Variants in SGCD observed in about 807,000 individuals in gnomAD.
SGCD encodes sarcoglycan delta.
A neutral mutation model predicts 36.6 loss-of-function variants in SGCD; 18 were observed. The ratio of observed to expected loss-of-function variants is 0.49; its 90% confidence interval spans 0.34 to 0.73. The LOEUF is 0.73. SGCD is among the 30% of genes least tolerant of loss of function. The probability of loss-of-function intolerance (pLI) is 0.01; values close to 1 mark genes in which losing one functional copy is unlikely to be tolerated. For missense variants in SGCD, 387 were observed against 346.7 expected (o/e 1.12, Z -0.92); for synonymous variants, 133 against 130.6 (o/e 1.02, Z -0.12).
chr5:156,374,972 A>G (rs937109419), intron 3 of SGCD, among the ~76,000 whole-genome samples: 1 of 152,226 alleles, frequency 6.6e-6, no homozygotes. Flanking sequence ...ACTATAGAAC[A>G]TCACTCTTCA....
chr5:156,708,073 G>A (rs1754819494), intron 7 of SGCD, among the ~76,000 whole-genome samples: 2 of 152,002 alleles, frequency 1.3e-5, no homozygotes, highest in African/African-American at 2.4e-5. Context: ...CTAGTTTTGG[G>A]GTTACTTGGT....
At chr5:156,190,251 G>T (rs1199729614) in intron 3 of SGCD, among the ~76,000 whole-genome samples, 1 of 152,104 alleles carries the variant, frequency 6.6e-6, no homozygotes, top group African/African-American at 2.4e-5. Context: ...CCATTATCAA[G>T]AAAATCATCT....
intron 7 of SGCD, among the ~76,000 whole-genome samples, chr5:156,669,036 T>C (rs1212434699): frequency 3.3e-5 from 5 of 152,130 alleles, no homozygotes; most frequent in Admixed American, 1.3e-4. Flanking sequence ...GAATGGTTTG[T>C]CAAATGGCCC....
At chr5:156,629,321 T>C (rs1287174897) in intron 6 of SGCD, among the ~76,000 whole-genome samples, 2 of 151,892 alleles carry the variant, frequency 1.3e-5, no homozygotes, top group Non-Finnish European at 2.9e-5. Context: ...CATAATAAGG[T>C]GATAATAAAT....
chr5:155,897,062 G>A lies in SGCD; in HGVS notation c.-282+26638G>A, dbSNP rs115750367. ...GATGTTCCTGTGTTACTTAACAATGGGAATCTATTCTGAGAGATTTATTGT... is the reference window on the plus strand; with the variant it reads ...GATGTTCCTGTGTTACTTAACAATGAGAATCTATTCTGAGAGATTTATTGT... On this transcript the variant is annotated intron_variant, in intron 1 of 9. Coordinates refer to the SGCD transcript ENST00000517913. Among the ~76,000 whole-genome samples, 210 of 152,212 alleles carry A rather than the reference G, an allele frequency of 1.4e-3. 2 individuals are homozygous for A. Among genetic ancestry groups the A allele is most frequent in the African/African-American group, 4.9e-3 (205 of 41,532 alleles).
chr5:156,698,592 T>C (rs1215291322), intron 7 of SGCD, among the ~76,000 whole-genome samples: 1 of 152,098 alleles, frequency 6.6e-6, no homozygotes, highest in Admixed American at 6.5e-5. Context: ...TCTCTAGCAA[T>C]GATTATGCCT....
At chr5:156,487,613 C>A (rs1442439487) in intron 3 of SGCD, among the ~76,000 whole-genome samples, 4 of 151,302 alleles carry the variant, frequency 2.6e-5, no homozygotes, top group Admixed American at 2.6e-4. Flanking sequence ...CGTGGTGAAA[C>A]CCCATCTCTA....
Position 156,292,366 on chromosome 5 carries a change from C to T in SGCD, c.-43-37168C>T, listed in dbSNP as rs956542276. Reference sequence around the variant, plus strand: ...AGTACCACGAACAAGTGGGATCTTACGTATTTGCTTTTTTGTGACTGGCAT... The same window carrying T: ...AGTACCACGAACAAGTGGGATCTTATGTATTTGCTTTTTTGTGACTGGCAT... On this transcript the variant is annotated intron_variant, in intron 3 of 9. Coordinates refer to the SGCD transcript ENST00000517913. Among the ~76,000 whole-genome samples the T allele has an allele frequency of 4.6e-5, 7 of 152,064 alleles. No homozygotes were observed. In the East Asian group the frequency reaches 5.8e-4, roughly 13 times the overall value.
intron 4 of SGCD, among the ~76,000 whole-genome samples, chr5:156,562,793 C>T (rs182198967): frequency 8.5e-4 from 129 of 151,266 alleles, no homozygotes; most frequent in Non-Finnish European, 1.5e-3. Flanking sequence ...GGTCTTTAAC[C>T]TTTATGTAGT....
chr5:155,844,354 C>A, the SGCD span, among the ~76,000 whole-genome samples: 2 of 151,850 alleles, frequency 1.3e-5, no homozygotes, highest in Non-Finnish European at 2.9e-5. Flanking sequence ...GTTCTCCTTA[C>A]ACTTAAAGAG....
At chr5:155,759,918 C>T in the SGCD span, among the ~76,000 whole-genome samples, 18 of 152,174 alleles carry the variant, frequency 1.2e-4, no homozygotes, top group South Asian at 2.1e-4. Context: ...AAATTTTCTA[C>T]GAAGTAACTC....
At chr5:156,182,287 G>A (rs1763627893) in intron 3 of SGCD, among the ~76,000 whole-genome samples, 1 of 145,422 alleles carries the variant, frequency 6.9e-6, no homozygotes, top group Non-Finnish European at 1.5e-5. Flanking sequence ...GGCTAGCTTA[G>A]GAGCAGAACA....
intron 3 of SGCD, among the ~76,000 whole-genome samples, chr5:156,295,842 T>A (rs1330745763): frequency 6.6e-6 from 1 of 152,142 alleles, no homozygotes; most frequent in African/African-American, 2.4e-5. Flanking sequence ...AAGAAGCTAG[T>A]TTTGGATGTG....
intron 7 of SGCD, among the ~76,000 whole-genome samples, chr5:156,727,523 G>C (rs1190531962): frequency 1.3e-5 from 2 of 152,126 alleles, no homozygotes; most frequent in African/African-American, 4.8e-5. Flanking sequence ...AGAATACCTA[G>C]GTTCTTAAAA....
At chr5:155,767,910 C>G in the SGCD span, among the ~76,000 whole-genome samples, 1 of 152,084 alleles carries the variant, frequency 6.6e-6, no homozygotes, top group Non-Finnish European at 1.5e-5. Context: ...ATTTTTACTT[C>G]TTCTAAGAAA....
At chr5:155,767,346 A>G in the SGCD span, among the ~76,000 whole-genome samples, 2 of 152,310 alleles carry the variant, frequency 1.3e-5, no homozygotes, top group Non-Finnish European at 1.5e-5. Context: ...AAATAGAGAA[A>G]TCATTGCATC....
intron 2 of SGCD, among the ~76,000 whole-genome samples, chr5:156,123,667 T>C (rs1487072439): frequency 1.3e-5 from 2 of 151,988 alleles, no homozygotes; most frequent in African/African-American, 4.8e-5. Flanking sequence ...ACTATGAAAT[T>C]TTTTTTTGGT....
chr5:156,160,261 A>G lies in SGCD; in HGVS notation c.-44+36242A>G, dbSNP rs1392443751. Among the ~76,000 whole-genome samples the G allele has an allele frequency of 3.3e-5, 5 of 151,612 alleles. 1 individual carries two copies. Among genetic ancestry groups the G allele is most frequent in the Admixed American group, 1.3e-4 (2 of 15,262 alleles). On this transcript the variant is annotated intron_variant, in intron 3 of 9. Coordinates refer to the SGCD transcript ENST00000517913. Reference sequence around the variant, plus strand: ...CTAGAAGGCAATGAAATTTATTTTTAACTAAGATATATCAGCACAAAGATC... The same window carrying G: ...CTAGAAGGCAATGAAATTTATTTTTGACTAAGATATATCAGCACAAAGATC...
At chr5:156,626,383 G>C (rs754020172) in intron 6 of SGCD, among the ~76,000 whole-genome samples, 1 of 152,168 alleles carries the variant, frequency 6.6e-6, no homozygotes, top group African/African-American at 2.4e-5. Context: ...GTTAACCATG[G>C]GTAAGTATGG....
Sources: allele counts gnomAD v4.1 joint callset (sites outside exome capture counted in the v4.1 genomes callset), GRCh38; gene constraint gnomAD v4.1.1; transcripts MANE v1.5; gene names NCBI Gene and HGNC (gene_info 2026-07-23, HGNC 2026-07-21).